Variants in THRB observed in about 807,000 individuals in gnomAD.
THRB encodes the protein thyroid hormone receptor beta.
In THRB, 12 loss-of-function variants were observed where a neutral mutation model predicts 47.8. The ratio of observed to expected loss-of-function variants is 0.25; its 90% CI spans 0.16 to 0.41. THRB has a LOEUF of 0.41. Ranked by LOEUF, THRB falls within the 10% of genes least tolerant of loss-of-function variation. THRB has a pLI of 1.00. For synonymous variants in THRB, 218 were observed against 212.2 expected (o/e 1.03, Z -0.24); for missense variants, 348 against 589.2 (o/e 0.59, Z 4.24).
At chr3:24,127,444 C>T (rs1016377913) in intron 10 of THRB, 55 bp downstream of exon 10, 16 of 1,595,786 alleles carry the variant, frequency 1.0e-5, no homozygotes, top group Middle Eastern at 1.7e-4. Context: ...TTGGAATTAG[C>T]GCTAGACAAG....
intron 1 of THRB, among the ~76,000 whole-genome samples, chr3:24,430,425 A>G (rs1169130090): frequency 6.6e-6 from 1 of 152,086 alleles, no homozygotes; most frequent in East Asian, 1.9e-4. Flanking sequence ...TTCATATGAG[A>G]AAAATGGAAT....
chr3:24,202,598 G>A (rs1380458582), intron 4 of THRB, among the ~76,000 whole-genome samples: 1 of 152,186 alleles, frequency 6.6e-6, no homozygotes, highest in African/African-American at 2.4e-5. Flanking sequence ...CTGCCATCTA[G>A]AAGGTTAAAA....
At chr3:24,473,975 G>A (rs538555950) in intron 1 of THRB, among the ~76,000 whole-genome samples, 1 of 152,246 alleles carries the variant, frequency 6.6e-6, no homozygotes, top group Non-Finnish European at 1.5e-5. Context: ...TGAAGGGCTA[G>A]GGGAGGGATA....
intron 1 of THRB, among the ~76,000 whole-genome samples, chr3:24,418,872 C>T (rs576478888): frequency 6.6e-6 from 1 of 151,950 alleles, no homozygotes; most frequent in African/African-American, 2.4e-5. Flanking sequence ...ACAAATTTAA[C>T]ACTTACAGTA....
intron 9 of THRB, among the ~76,000 whole-genome samples, chr3:24,130,893 AC>A (rs2033754018): frequency 6.6e-6 from 1 of 152,186 alleles, no homozygotes; most frequent in Non-Finnish European, 1.5e-5. Flanking sequence ...AAAACAGATA[AC>A]AGAATTTATG....
At chr3:24,438,035 C>A (rs2071146012) in intron 1 of THRB, among the ~76,000 whole-genome samples, 1 of 151,890 alleles carries the variant, frequency 6.6e-6, no homozygotes, top group Non-Finnish European at 1.5e-5. Context: ...CCTTCAGATG[C>A]ACTATCTCAT....
At chr3:24,320,412 T>C (rs1204494497) in intron 2 of THRB, among the ~76,000 whole-genome samples, 1 of 152,204 alleles carries the variant, frequency 6.6e-6, no homozygotes, top group Non-Finnish European at 1.5e-5. Context: ...AAGGACATTA[T>C]GGCATTCAGG....
At chr3:24,142,966 C>T (rs1165961939) in intron 8 of THRB, among the ~76,000 whole-genome samples, 1 of 152,204 alleles carries the variant, frequency 6.6e-6, no homozygotes, top group Non-Finnish European at 1.5e-5. Flanking sequence ...TCTCTACACA[C>T]TCGTGCCCAC....
chr3:24,448,359 T>C (rs1170542303), intron 1 of THRB, among the ~76,000 whole-genome samples: 1 of 152,236 alleles, frequency 6.6e-6, no homozygotes, highest in Non-Finnish European at 1.5e-5. Flanking sequence ...AAATGATTAC[T>C]GCTCAACTCT....
At chr3:24,431,280 A>T (rs1364004486) in intron 1 of THRB, among the ~76,000 whole-genome samples, 3 of 151,778 alleles carry the variant, frequency 2.0e-5, no homozygotes, top group Admixed American at 1.3e-4. Context: ...ACACACACAC[A>T]CACACACACA....
intron 4 of THRB, among the ~76,000 whole-genome samples, chr3:24,216,576 C>T (rs971690043): frequency 2.0e-5 from 3 of 151,940 alleles, no homozygotes; most frequent in African/African-American, 7.3e-5. Flanking sequence ...CCACTGTACT[C>T]CAGCCTTGGT....
intron 1 of THRB, among the ~76,000 whole-genome samples, chr3:24,492,539 G>A (rs2125981666): frequency 1.3e-5 from 2 of 152,182 alleles, no homozygotes; most frequent in Middle Eastern, 6.8e-3. Flanking sequence ...TCAAAAAGAT[G>A]GGCTTACTAA....
intron 3 of THRB, among the ~76,000 whole-genome samples, chr3:24,287,293 C>T (rs2055411004): frequency 6.6e-6 from 1 of 152,152 alleles, no homozygotes. Context: ...CCTAGGGCTA[C>T]AAGGACTTAA....
At chr3:24,319,382 G>A (rs2058330473) in intron 2 of THRB, among the ~76,000 whole-genome samples, 1 of 151,988 alleles carries the variant, frequency 6.6e-6, no homozygotes, top group Non-Finnish European at 1.5e-5. Context: ...ATACTACTCT[G>A]CAATAAAAAA....
chr3:24,475,796 A>G (rs1695366054), intron 1 of THRB, among the ~76,000 whole-genome samples: 1 of 152,228 alleles, frequency 6.6e-6, no homozygotes, highest in Non-Finnish European at 1.5e-5. Flanking sequence ...AATGTCTAAT[A>G]AAGTAAAGAT....
chr3:24,169,711 T>C (rs1262342759), intron 5 of THRB, among the ~76,000 whole-genome samples: 2 of 148,778 alleles, frequency 1.3e-5, no homozygotes, highest in Non-Finnish European at 3.0e-5. Context: ...ATAATATATA[T>C]CTCTTAGGTC....
intron 1 of THRB, among the ~76,000 whole-genome samples, chr3:24,392,932 A>C (rs971957282): frequency 2.0e-5 from 3 of 152,148 alleles, no homozygotes; most frequent in African/African-American, 7.2e-5. Context: ...AGTTTTTTAA[A>C]AGGACATATA....
At chr3:24,136,555 T>G (rs2034704263) in intron 8 of THRB, among the ~76,000 whole-genome samples, 1 of 152,242 alleles carries the variant, frequency 6.6e-6, no homozygotes, top group Non-Finnish European at 1.5e-5. Context: ...TATTTCACAT[T>G]AGTTGAACCC....
chr3:24,188,755 C>T (rs1036979668), intron 5 of THRB, among the ~76,000 whole-genome samples: 3 of 18,114 alleles, frequency 1.7e-4, no homozygotes, highest in South Asian at 3.4e-3. Context: ...CACGCACACA[C>T]GTGCACACAC....
Sources: gnomAD v4.1 joint callset for allele counts (sites outside exome capture counted in the v4.1 genomes callset) on GRCh38, gnomAD v4.1.1 for gene constraint, MANE v1.5 for transcripts, NCBI Gene and HGNC (gene_info 2026-07-23, HGNC 2026-07-21) for gene names.